The following PRELID2 variants were observed in gnomAD, a reference collection of about 807,000 sequenced individuals.
PRELID2 encodes the protein PRELI domain containing 2.
PRELID2 carries 25 observed loss-of-function variants against 28.4 expected under a neutral mutation model. That is an observed-to-expected ratio of 0.88 (90% CI 0.64 to 1.23). The LOEUF (loss-of-function observed/expected upper bound fraction) is 1.23. Ranked by LOEUF, PRELID2 falls within the 50% of genes most tolerant of loss-of-function variation. The pLI is 0.00. For synonymous variants in PRELID2, 76 were observed against 71.6 expected (o/e 1.06, Z -0.31); for missense variants, 201 against 214.4 (o/e 0.94, Z 0.39).
chr5:145,544,104 A>C (rs1016943812), intron 1 of PRELID2, among the ~76,000 whole-genome samples: 6 of 152,046 alleles, frequency 3.9e-5, no homozygotes, highest in South Asian at 2.1e-4. Context: ...AGGGTCGGTG[A>C]GTCAGAAAGC....
chr5:145,773,763 T>C (rs1758246002), intron 5 of PRELID2, among the ~76,000 whole-genome samples: 1 of 152,264 alleles, frequency 6.6e-6, no homozygotes, highest in African/African-American at 2.4e-5. Context: ...TTCATCAGAC[T>C]TAAGCTCAGT....
At chr5:145,538,098 T>G in intron 1 of PRELID2, among the ~76,000 whole-genome samples, 1 of 151,874 alleles carries the variant, frequency 6.6e-6, no homozygotes, top group East Asian at 1.9e-4. Flanking sequence ...AAAGACTGTC[T>G]TTTCCTCAAT....
At chr5:145,609,990 G>T (rs1218376833) in intron 1 of PRELID2, among the ~76,000 whole-genome samples, 1 of 152,222 alleles carries the variant, frequency 6.6e-6, no homozygotes, top group Non-Finnish European at 1.5e-5. Context: ...TATGGTGCTG[G>T]TGCTGGTCTG....
At chr5:145,429,667 T>C in the PRELID2 span, among the ~76,000 whole-genome samples, 1,141 of 152,340 alleles carry the variant, frequency 7.5e-3, 8 homozygotes, top group Non-Finnish European at 0.011. Flanking sequence ...GTTCATTATG[T>C]ATTTATTTCA....
chr5:145,253,847 C>T, the PRELID2 span, among the ~76,000 whole-genome samples: 2 of 147,366 alleles, frequency 1.4e-5, no homozygotes, highest in African/African-American at 4.9e-5. Context: ...ACAAAAAAAA[C>T]AAAAAAAAAA....
At chr5:145,246,258 T>C in the PRELID2 span, among the ~76,000 whole-genome samples, 1 of 152,250 alleles carries the variant, frequency 6.6e-6, no homozygotes, top group East Asian at 1.9e-4. Context: ...CAGCCTAGAC[T>C]GCAGAAGCGT....
intron 1 of PRELID2, among the ~76,000 whole-genome samples, chr5:145,712,571 T>A (rs897972704): frequency 6.6e-6 from 1 of 152,214 alleles, no homozygotes; most frequent in Non-Finnish European, 1.5e-5. Flanking sequence ...TACCCTTTTT[T>A]AAGGATAAAT....
chr5:145,660,333 C>T (rs776373891), intron 1 of PRELID2, among the ~76,000 whole-genome samples: 7 of 152,128 alleles, frequency 4.6e-5, no homozygotes, highest in Non-Finnish European at 7.4e-5. Flanking sequence ...CTTTCTAGCT[C>T]GATGCTCCAA....
intron 1 of PRELID2, among the ~76,000 whole-genome samples, chr5:145,622,223 T>C (rs148981224): frequency 3.3e-5 from 5 of 152,194 alleles, no homozygotes; most frequent in Non-Finnish European, 7.4e-5. Flanking sequence ...TTTCAGGTGG[T>C]AAATAAAATG....
intron 1 of PRELID2, among the ~76,000 whole-genome samples, chr5:145,831,017 CAT>C (rs971535999): frequency 1.3e-5 from 2 of 152,102 alleles, no homozygotes; most frequent in African/African-American, 2.4e-5. Context: ...CAGTGATCCT[CAT>C]ATGATTGTCG....
At chr5:145,765,717 G>A (rs1259445990) in intron 5 of PRELID2, among the ~76,000 whole-genome samples, 2 of 152,150 alleles carry the variant, frequency 1.3e-5, no homozygotes, top group Admixed American at 6.5e-5. Flanking sequence ...CATGACAAGA[G>A]TTGTTCCTGA....
At chr5:145,559,465 T>C (rs1561506227) in intron 1 of PRELID2, among the ~76,000 whole-genome samples, 1 of 152,216 alleles carries the variant, frequency 6.6e-6, no homozygotes, top group Non-Finnish European at 1.5e-5. Context: ...TAATGTAGTC[T>C]TTTTTGTTTA....
intron 1 of PRELID2, among the ~76,000 whole-genome samples, chr5:145,707,640 A>C (rs1755583421): frequency 6.6e-6 from 1 of 152,204 alleles, no homozygotes; most frequent in Non-Finnish European, 1.5e-5. Flanking sequence ...GCAACTACCA[A>C]GTCCACTACC....
intron 1 of PRELID2, among the ~76,000 whole-genome samples, chr5:145,572,919 C>T (rs10058420): frequency 0.11 from 16,658 of 152,132 alleles, 2,486 homozygotes; most frequent in African/African-American, 0.34. Flanking sequence ...ACTCTTCTGG[C>T]ATGAGAGACC....
intron 1 of PRELID2, among the ~76,000 whole-genome samples, chr5:145,675,122 A>C (rs1021574864): frequency 4.6e-5 from 7 of 152,120 alleles, no homozygotes; most frequent in Non-Finnish European, 2.9e-5. Flanking sequence ...CTTAATTTAA[A>C]ATTTTTTAAA....
At chr5:145,644,435 C>CTTCTT (rs1754162792) in intron 1 of PRELID2, among the ~76,000 whole-genome samples, 1 of 150,990 alleles carries the variant, frequency 6.6e-6, no homozygotes, top group Non-Finnish European at 1.5e-5. Context: ...AGCAGTTTAT[C>CTTCTT]TATTTTGTTG....
At chr5:145,650,531 C>CAT (rs56324486) in intron 1 of PRELID2, among the ~76,000 whole-genome samples, 324 of 68,574 alleles carry the variant, frequency 4.7e-3, no homozygotes, top group Non-Finnish European at 5.2e-3. Flanking sequence ...CACATATATA[C>CAT]ATATATATAT....
the PRELID2 span, among the ~76,000 whole-genome samples, chr5:145,329,583 C>T: frequency 6.6e-6 from 1 of 151,864 alleles, no homozygotes; most frequent in Non-Finnish European, 1.5e-5. Flanking sequence ...TGTCTGTTTC[C>T]CTGTTATTGA....
the PRELID2 span, among the ~76,000 whole-genome samples, chr5:145,409,273 CATAA>C: frequency 6.6e-6 from 1 of 152,056 alleles, no homozygotes; most frequent in Admixed American, 6.6e-5. Flanking sequence ...CTCCTTAAAG[CATAA>C]ATCTCACAAG....
Sources: gnomAD v4.1 joint callset for allele counts (sites outside exome capture counted in the v4.1 genomes callset) on GRCh38, gnomAD v4.1.1 for gene constraint, MANE v1.5 for transcripts, NCBI Gene and HGNC (gene_info 2026-07-23, HGNC 2026-07-21) for gene names.